ALDH5A1: variants seen among roughly 807,000 people sequenced by gnomAD.
ALDH5A1 encodes the protein aldehyde dehydrogenase 5 family member A1, also known as succinate-semialdehyde dehydrogenase, mitochondrial.
A neutral mutation model predicts 54.7 loss-of-function variants in ALDH5A1; 33 were observed. The ratio of observed to expected loss-of-function variants is 0.60; its 90% CI spans 0.46 to 0.81. ALDH5A1 has a LOEUF of 0.81. Among genes scored for constraint, ALDH5A1 ranks in the 30% least tolerant of loss-of-function variants. The pLI is 0.00. For missense variants in ALDH5A1, 657 were observed against 711.0 expected, an observed-to-expected ratio of 0.92 and a Z score of 0.86; for synonymous variants, 294 against 292.7, an observed-to-expected ratio of 1.00 and a Z score of -0.05.
At chr6:24,499,083 C>G (rs528341414) in intron 1 of ALDH5A1, among the ~76,000 whole-genome samples, 1 of 124,174 alleles carries the variant, frequency 8.1e-6, no homozygotes, top group African/African-American at 3.2e-5. Context: ...GCCTGGTGGA[C>G]AGAGCAAGAC....
intron 7 of ALDH5A1, 102 bp from the exon 8 acceptor site, chr6:24,527,895 T>A (rs1581823947): frequency 2.9e-6 from 4 of 1,390,422 alleles, no homozygotes; most frequent in Non-Finnish European, 3.0e-6. Flanking sequence ...CCTACTTTTT[T>A]TGAAAAAGAA....
At chr6:24,523,036 A>G (rs1363630641) in intron 7 of ALDH5A1, 111 bp downstream of exon 7, 2 of 894,800 alleles carry the variant, frequency 2.2e-6, no homozygotes. Flanking sequence ...GGGTGGGTTG[A>G]CAGAATATTA....
intron 4 of ALDH5A1, among the ~76,000 whole-genome samples, chr6:24,514,188 G>A (rs1436004049): frequency 6.6e-6 from 1 of 152,214 alleles, no homozygotes; most frequent in South Asian, 2.1e-4. Flanking sequence ...GTTACTAGCT[G>A]TGGCCTTGGC....
intron 8 of ALDH5A1, 113 bp from the exon 9 acceptor site, chr6:24,532,006 C>T (rs1382744282): frequency 9.9e-7 from 1 of 1,005,032 alleles, no homozygotes; most frequent in African/African-American, 1.6e-5. Flanking sequence ...GATCTCTTTG[C>T]AAAACTCTGA....
chr6:24,522,882 G>T lies in ALDH5A1; in HGVS notation c.1130G>T (p.Gly377Val). The T allele has an allele frequency of 6.2e-7, 1 of 1,614,030 alleles. No individual in the cohort carries two copies. The highest frequency in any genetic ancestry group is 8.5e-7 in the Non-Finnish European group (1 of 1,180,002). The change falls in exon 7 of 10, where the codon GGA becomes GTA. Residue 377 changes from glycine to valine, a missense_variant. Gly to Val is a moderately radical substitution (Grantham distance 109). Transcript: ENST00000357578. ...CGCGTAGGTAATGGATTTGAGGAAGGAACTACTCAGGGCCCATTAATTAAT... is the reference window on the plus strand; with the variant it reads ...CGCGTAGGTAATGGATTTGAGGAAGTAACTACTCAGGGCCCATTAATTAAT... Reference protein sequence around the residue: ...NLRVGNGFEEGTTQGPLINEK... With the variant: ...NLRVGNGFEEVTTQGPLINEK...
At chr6:24,522,396 A>C (rs76940868) in intron 6 of ALDH5A1, among the ~76,000 whole-genome samples, 12,007 of 151,800 alleles carry the variant, frequency 0.079, 1,078 homozygotes, top group African/African-American at 0.22. Flanking sequence ...GGAGAATTGC[A>C]CTCTTTCCCC....
chr6:24,514,620 C>A (rs1321330284), intron 4 of ALDH5A1, among the ~76,000 whole-genome samples: 2 of 151,968 alleles, frequency 1.3e-5, no homozygotes, highest in Admixed American at 6.6e-5. Context: ...ATCCCAGCTA[C>A]TCGGAAGGCT....
In ALDH5A1 at chr6:24,522,757, T is replaced by C; in HGVS notation, c.1015-10T>C. On this transcript the variant is annotated splice_polypyrimidine_tract_variant and intron_variant, in intron 6 of 9. Coordinates refer to ENST00000357578, the MANE Select transcript of ALDH5A1 (RefSeq NM_001080.3). ...CAGACTGTGTGGGTTTGTTTTTGTCTCCTGTCCAGACTTGTGTTTGCTCAA... is the reference window on the plus strand; with the variant it reads ...CAGACTGTGTGGGTTTGTTTTTGTCCCCTGTCCAGACTTGTGTTTGCTCAA... 1.2e-6 allele frequency: 2 copies of C among 1,613,608 alleles called. No individual in the cohort carries two copies. The highest frequency in any genetic ancestry group is 1.7e-6 in the Non-Finnish European group (2 of 1,179,776).
At chr6:24,497,766 T>C (rs887235763) in intron 1 of ALDH5A1, among the ~76,000 whole-genome samples, 4 of 152,066 alleles carry the variant, frequency 2.6e-5, no homozygotes, top group Non-Finnish European at 5.9e-5. Flanking sequence ...GGGTGGAACA[T>C]GTAGGACCTG....
rs1457060534 is a variant in ALDH5A1, at chr6:24,495,239, G to C, written c.243G>C (p.Pro81=). The C allele has an allele frequency of 3.3e-6, 5 of 1,524,080 alleles. No homozygotes were observed. Among genetic ancestry groups the C allele is most frequent in the South Asian group, 1.2e-5 (1 of 83,320 alleles). 94.4% of individuals were successfully genotyped at this position (1,524,080 alleles called of 1,614,324 possible). ...PAAATFPVQD[P]ASGAALGMVA... Reference sequence around the variant, plus strand: ...CCGCCACCTTCCCCGTGCAAGACCCGGCCAGCGGCGCCGCTCTGGGCATGG... The same window carrying C: ...CCGCCACCTTCCCCGTGCAAGACCCCGCCAGCGGCGCCGCTCTGGGCATGG... The change falls in exon 1 of 10, where the codon CCG becomes CCC. Residue 81 remains proline (P), a synonymous_variant. Coordinates refer to ENST00000357578, the MANE Select transcript of ALDH5A1 (RefSeq NM_001080.3).
chr6:24,515,773 T>C (rs1461858019), intron 5 of ALDH5A1, among the ~76,000 whole-genome samples: 1 of 152,194 alleles, frequency 6.6e-6, no homozygotes, highest in Non-Finnish European at 1.5e-5. Context: ...CCTCTGGGGA[T>C]ATTTTGGACA....
chr6:24,517,540 A>G (rs1490418056), intron 5 of ALDH5A1, among the ~76,000 whole-genome samples: 2 of 152,238 alleles, frequency 1.3e-5, no homozygotes, highest in African/African-American at 4.8e-5. Flanking sequence ...CCTGGGAGAA[A>G]GCGTTGTAAA....
intron 8 of ALDH5A1, among the ~76,000 whole-genome samples, chr6:24,530,679 G>T (rs1238864951): frequency 6.6e-6 from 1 of 152,212 alleles, no homozygotes; most frequent in African/African-American, 2.4e-5. Flanking sequence ...GGGGTATTTT[G>T]CAGTTCCCTC....
At chr6:24,503,805 A>C (rs765162873) in intron 3 of ALDH5A1, among the ~76,000 whole-genome samples, 3 of 152,200 alleles carry the variant, frequency 2.0e-5, no homozygotes, top group Admixed American at 1.3e-4. Context: ...AACTTGCCAT[A>C]GTTTGGAAAA....
rs548547849 is a variant in ALDH5A1, at chr6:24,531,446, C to G, written c.1344-673C>G. Among the ~76,000 whole-genome samples, 4 of 152,276 alleles carry G rather than the reference C, an allele frequency of 2.6e-5. No homozygotes were observed. In the South Asian group the frequency reaches 8.3e-4, roughly 32 times the overall value. On this transcript the variant is annotated intron_variant, in intron 8 of 9. Coordinates refer to ENST00000357578, the MANE Select transcript of ALDH5A1 (RefSeq NM_001080.3). ...ATTGACTTTTCGGAGCTGGCTCTAC[C>G]CAGTCCCCCTTTGCAAGCCCTGCAG...
rs1437345416 is a variant in ALDH5A1 at position 24,533,496 on chromosome 6, T to C, written c.1403-11T>C. The C allele has an allele frequency of 1.2e-6, 2 of 1,613,874 alleles. No homozygotes were observed. The highest frequency in any genetic ancestry group is 1.7e-6 in the Non-Finnish European group (2 of 1,179,752). ...TCTAAATGCCATATATGTCCTTTTA[T>C]CCTGTGACAGGTTATTTTTACTCTC... On this transcript the variant is annotated splice_polypyrimidine_tract_variant and intron_variant, in intron 9 of 9. Transcript: ENST00000357578.
rs1322941264 is a variant in ALDH5A1, at chr6:24,536,485, A to G, written c.*2773A>G. The G allele has an allele frequency of 6.6e-6, 1 of 152,076 alleles. No homozygotes were observed. Among genetic ancestry groups the G allele is most frequent in the African/African-American group, 2.4e-5 (1 of 41,298 alleles). The allele number at this position is 152,076 out of a possible 1,614,324, so 9.4% of individuals were successfully genotyped here. ...GACAGTATAGCCTGCAAAGCCTAAAAGATTTACTACTTGTCTCCTTAAAGA... is the reference window on the plus strand; with the variant it reads ...GACAGTATAGCCTGCAAAGCCTAAAGGATTTACTACTTGTCTCCTTAAAGA... On this transcript the variant is annotated 3_prime_UTR_variant, in exon 10 of 10. Coordinates refer to ENST00000357578, the MANE Select transcript of ALDH5A1 (RefSeq NM_001080.3).
chr6:24,526,388 G>C (rs757619245), intron 7 of ALDH5A1, among the ~76,000 whole-genome samples: 15 of 152,124 alleles, frequency 9.9e-5, no homozygotes, highest in Non-Finnish European at 1.8e-4. Flanking sequence ...TGTCCTGCAA[G>C]AGTTTTGGGA....
At position 24,501,971 on chromosome 6, in the gene ALDH5A1, A is replaced by C. The variant is rs547409456; in HGVS notation, c.355-552A>C. On this transcript the variant is annotated intron_variant, in intron 1 of 9. Coordinates refer to ENST00000357578, the MANE Select transcript of ALDH5A1 (RefSeq NM_001080.3). ...TATATGTGTATGTGTGTATATATAT[A>C]ATCATAGATATGTAGGAATATAGGA... Among the ~76,000 whole-genome samples the C allele has an allele frequency of 2.0e-5, 3 of 151,842 alleles. No homozygotes were observed. The East Asian group carries it at 5.8e-4, about 29-fold the overall frequency.
Sources: gnomAD v4.1 joint callset for allele counts (sites outside exome capture counted in the v4.1 genomes callset) on GRCh38, gnomAD v4.1.1 for gene constraint, MANE v1.5 for transcripts, NCBI Gene and HGNC (gene_info 2026-07-23, HGNC 2026-07-21) for gene names.